Variants in LRP1B observed in about 807,000 individuals in gnomAD.
LRP1B encodes the protein low-density lipoprotein receptor-related protein 1B.
LRP1B carries 217 observed loss-of-function variants against 556.6 expected under a neutral mutation model. The ratio of observed to expected loss-of-function variants is 0.39; its 90% CI spans 0.35 to 0.44. The LOEUF is 0.44. Among genes scored for constraint, LRP1B ranks in the 20% least tolerant of loss-of-function variants. The pLI is 1.00. For synonymous variants in LRP1B, 2,047 were observed against 1,865.8 expected (o/e 1.10, Z -2.50); for missense variants, 5,053 against 5,620.8 (o/e 0.90, Z 3.23).
intron 6 of LRP1B, among the ~76,000 whole-genome samples, chr2:141,189,894 C>T (rs1474461955): frequency 1.3e-5 from 2 of 151,720 alleles, no homozygotes; most frequent in African/African-American, 4.8e-5. Context: ...GATGGGTTTT[C>T]TCTGAAGTTC....
At chr2:142,049,874 G>A (rs1363903675) in intron 1 of LRP1B, among the ~76,000 whole-genome samples, 2 of 152,090 alleles carry the variant, frequency 1.3e-5, no homozygotes, top group Non-Finnish European at 2.9e-5. Context: ...AGAGATAGAG[G>A]ATTGTTGGAT....
intron 5 of LRP1B, among the ~76,000 whole-genome samples, chr2:141,230,696 A>G (rs958918274): frequency 6.6e-6 from 1 of 152,172 alleles, no homozygotes; most frequent in African/African-American, 2.4e-5. Flanking sequence ...AAGCCAGGGA[A>G]GCTGCCACCT....
intron 3 of LRP1B, among the ~76,000 whole-genome samples, chr2:141,413,284 T>G (rs992597765): frequency 6.6e-6 from 1 of 152,178 alleles, no homozygotes; most frequent in East Asian, 1.9e-4. Flanking sequence ...TTATCCAGAT[T>G]GGGCTTTACA....
At chr2:141,072,451 C>T (rs1699673288) in intron 7 of LRP1B, among the ~76,000 whole-genome samples, 1 of 152,016 alleles carries the variant, frequency 6.6e-6, no homozygotes, top group South Asian at 2.1e-4. Flanking sequence ...CTCCTCTGTG[C>T]CTATGACCTT....
rs561801927 is a variant in LRP1B at position 141,826,316 on chromosome 2, TG to T, written c.83-15916del. On this transcript the variant is annotated intron_variant, in intron 1 of 90. Transcript: ENST00000389484. The stretch of plus-strand genomic sequence containing the variant: ...CTATATAATACATTTAATAAGGATA[TG>T]ATAGACCATTATATGACTTTTCCAT... Among the ~76,000 whole-genome samples the T allele has an allele frequency of 1.8e-3, 266 of 151,600 alleles. 1 individual carries two copies. The highest frequency in any genetic ancestry group is 6.3e-3 in the African/African-American group (261 of 41,404).
At chr2:140,581,752 C>G (rs551640391) in intron 43 of LRP1B, among the ~76,000 whole-genome samples, 1 of 152,232 alleles carries the variant, frequency 6.6e-6, no homozygotes, top group South Asian at 2.1e-4. Context: ...CTCCCTCTCT[C>G]CTGTTCTCTT....
At position 140,364,899 on chromosome 2, in the gene LRP1B, T is replaced by C. The variant is rs545458825; in HGVS notation, c.11009-116A>G. On this transcript the variant is annotated intron_variant, in intron 71 of 90. Transcript: ENST00000389484. ...ATCTAGTTGACTGCTTCCATATATG[T>C]ATTATATTTATTTCAAGCATAATAC... is the stretch of plus-strand genomic sequence containing the variant. 10 of 741,344 alleles carry C rather than the reference T, an allele frequency of 1.3e-5. No homozygotes were observed. The African/African-American group carries it at 1.8e-4, about 14-fold the overall frequency. The allele number at this position is 741,344 out of a possible 1,614,324, so 45.9% of individuals were successfully genotyped here.
At chr2:141,732,732 A>G (rs1435613967) in intron 2 of LRP1B, among the ~76,000 whole-genome samples, 1 of 152,170 alleles carries the variant, frequency 6.6e-6, no homozygotes, top group Non-Finnish European at 1.5e-5. Context: ...TTTTAAAATA[A>G]GGCACCCATT....
At chr2:141,760,034 C>G (rs1463870611) in intron 2 of LRP1B, among the ~76,000 whole-genome samples, 2 of 152,168 alleles carry the variant, frequency 1.3e-5, no homozygotes, top group African/African-American at 4.8e-5. Context: ...GAGGCTGAGG[C>G]AGGAGAACCA....
At chr2:140,763,701 C>G (rs1369147886) in intron 35 of LRP1B, among the ~76,000 whole-genome samples, 1 of 152,062 alleles carries the variant, frequency 6.6e-6, no homozygotes, top group Non-Finnish European at 1.5e-5. Flanking sequence ...CAAAAAGGAT[C>G]TGTGAGATAT....
chr2:142,117,676 T>G (rs1707321986), intron 1 of LRP1B, among the ~76,000 whole-genome samples: 1 of 152,050 alleles, frequency 6.6e-6, no homozygotes, highest in Non-Finnish European at 1.5e-5. Flanking sequence ...CTGCTTTATC[T>G]TGATAGGCAA....
chr2:141,086,229 A>G (rs1700043594), intron 7 of LRP1B, among the ~76,000 whole-genome samples: 1 of 152,198 alleles, frequency 6.6e-6, no homozygotes, highest in African/African-American at 2.4e-5. Flanking sequence ...TGATTTCAGC[A>G]TGTATTAGTG....
intron 1 of LRP1B, among the ~76,000 whole-genome samples, chr2:142,058,555 A>AT (rs934990803): frequency 4.0e-5 from 6 of 151,878 alleles, no homozygotes; most frequent in South Asian, 2.1e-4. Context: ...TTTTTTTGCA[A>AT]TTTTTTTAGC....
At chr2:140,749,567 C>T (rs1688500625) in intron 35 of LRP1B, among the ~76,000 whole-genome samples, 1 of 152,100 alleles carries the variant, frequency 6.6e-6, no homozygotes, top group Admixed American at 6.6e-5. Flanking sequence ...CTTAGGCCTA[C>T]ACAAGGCCAG....
At position 140,386,019 on chromosome 2, in the gene LRP1B, A is replaced by T. The variant is rs1683744949; in HGVS notation, c.10415-10T>A. On this transcript the variant is annotated splice_polypyrimidine_tract_variant and intron_variant, in intron 66 of 90. Coordinates refer to ENST00000389484, the MANE Select transcript of LRP1B (RefSeq NM_018557.3). Reference sequence around the variant, plus strand: ...CCACAAGTCTTTTTATCTGTAATGGAAAGAACCAGAGTTTGCATTGTAGAT... The same window carrying T: ...CCACAAGTCTTTTTATCTGTAATGGTAAGAACCAGAGTTTGCATTGTAGAT... The T allele has an allele frequency of 6.5e-7, 1 of 1,535,396 alleles. No individual in the cohort carries two copies. The highest frequency in any genetic ancestry group is 1.4e-5 in the African/African-American group (1 of 73,132).
intron 2 of LRP1B, among the ~76,000 whole-genome samples, chr2:141,570,442 C>T (rs998647918): frequency 6.6e-6 from 1 of 151,232 alleles, no homozygotes; most frequent in African/African-American, 2.4e-5. Context: ...TGCGAATCTA[C>T]ACCACCAGGG....
At chr2:141,984,529 C>A (rs1702130417) in intron 1 of LRP1B, among the ~76,000 whole-genome samples, 2 of 151,994 alleles carry the variant, frequency 1.3e-5, no homozygotes, top group Non-Finnish European at 2.9e-5. Flanking sequence ...GCATTAAGGA[C>A]CACCCCAACA....
At chr2:142,098,474 T>G (rs1203346497) in intron 1 of LRP1B, among the ~76,000 whole-genome samples, 1 of 151,788 alleles carries the variant, frequency 6.6e-6, no homozygotes, top group Non-Finnish European at 1.5e-5. Context: ...GGAGATTTTT[T>G]AAATGGCTCT....
intron 1 of LRP1B, among the ~76,000 whole-genome samples, chr2:141,844,761 A>G (rs938244213): frequency 2.0e-5 from 3 of 152,026 alleles, no homozygotes; most frequent in Non-Finnish European, 4.4e-5. Context: ...AAAGTTATAT[A>G]GTTAAATTTG....
Sources: gnomAD v4.1 joint callset for allele counts (sites outside exome capture counted in the v4.1 genomes callset) on GRCh38, gnomAD v4.1.1 for gene constraint, MANE v1.5 for transcripts, NCBI Gene and HGNC (gene_info 2026-07-23, HGNC 2026-07-21) for gene names.